ZCCHC14: variants seen among roughly 807,000 people sequenced by gnomAD.
ZCCHC14 encodes zinc finger CCHC-type containing 14.
A neutral mutation model predicts 85.0 loss-of-function variants in ZCCHC14; 16 were observed. The observed-to-expected ratio is 0.19, with a 90% confidence interval of 0.13 to 0.29. The LOEUF (loss-of-function observed/expected upper bound fraction) is 0.29. Among genes scored for constraint, ZCCHC14 ranks in the 10% least tolerant of loss-of-function variants. The pLI, the probability that ZCCHC14 is intolerant of heterozygous loss-of-function variation, is 1.00. For synonymous variants in ZCCHC14, 775 were observed against 630.7 expected (o/e 1.23, Z -3.43); for missense variants, 1,303 against 1,443.5 (o/e 0.90, Z 1.58).
intron 1 of ZCCHC14, among the ~76,000 whole-genome samples, chr16:87,461,607 G>A (rs927319487): frequency 2.0e-5 from 3 of 152,216 alleles, no homozygotes; most frequent in Admixed American, 6.5e-5. Context: ...CATCCCCTAA[G>A]TTCACTCACA....
rs899072391 is a variant in ZCCHC14, at chr16:87,491,370, C to A, written c.570+299G>T. 2.6e-5 allele frequency among the ~76,000 whole-genome samples: 4 copies of A among 151,900 alleles called. No homozygotes were observed. The highest frequency in any genetic ancestry group is 9.7e-5 in the African/African-American group (4 of 41,342). On this transcript the variant is annotated intron_variant, in intron 1 of 12. Transcript: ENST00000671377. This position sits in a 1 kb window ranked among gnomAD's most constrained non-coding sequence, Gnocchi z 5.9. ...AAGTGCAGACTTAGGGTGAGGAGTGCGGGCTTAGGATGGGGGCTTGGGATG... is the reference window on the plus strand; with the variant it reads ...AAGTGCAGACTTAGGGTGAGGAGTGAGGGCTTAGGATGGGGGCTTGGGATG...
chr16:87,430,408 G>A (rs1302115421), intron 3 of ZCCHC14, among the ~76,000 whole-genome samples: 1 of 152,154 alleles, frequency 6.6e-6, no homozygotes, highest in African/African-American at 2.4e-5. Context: ...TCACAGCGTT[G>A]TGATCCTGCT....
At position 87,435,464 on chromosome 16, in the gene ZCCHC14, G is replaced by A. The variant is rs780900829; in HGVS notation, c.695-2263C>T. Among the ~76,000 whole-genome samples the A allele has an allele frequency of 3.9e-5, 6 of 152,328 alleles. No homozygotes were observed. In the East Asian group the frequency reaches 5.8e-4, roughly 15 times the overall value. ...TCTGCATGTCCTCTGTGGCCACCCC[G>A]TGATACCATGGCTGAGGAGCTGTGC... On this transcript the variant is annotated intron_variant, in intron 2 of 12. Transcript: ENST00000671377.
At chr16:87,477,600 G>A (rs1323224291) in intron 1 of ZCCHC14, among the ~76,000 whole-genome samples, 2 of 152,146 alleles carry the variant, frequency 1.3e-5, no homozygotes, top group Admixed American at 6.5e-5. Context: ...CACTAATGTC[G>A]TCTTTGTCAA....
intron 1 of ZCCHC14, chr16:87,467,783 C>G (rs1365025907): frequency 4.1e-6 from 2 of 492,002 alleles, no homozygotes; most frequent in African/African-American, 3.9e-5. Context: ...TCTCAAGTAG[C>G]TGGGACTACA....
chr16:87,433,920 A>T (rs573440714), intron 2 of ZCCHC14, among the ~76,000 whole-genome samples: 1 of 151,810 alleles, frequency 6.6e-6, no homozygotes, highest in Non-Finnish European at 1.5e-5. Flanking sequence ...CTGGATTTAC[A>T]GGCGAAAGCC....
chr16:87,453,662 G>C (rs573043515), intron 2 of ZCCHC14, among the ~76,000 whole-genome samples: 1 of 152,198 alleles, frequency 6.6e-6, no homozygotes, highest in East Asian at 1.9e-4. Context: ...CAGAAGCCTC[G>C]ACCTTGTCCA....
rs370567696 is a variant in ZCCHC14, at chr16:87,483,697, C to T, written c.570+7972G>A. 4.6e-5 allele frequency among the ~76,000 whole-genome samples: 7 copies of T among 152,248 alleles called. No individual in the cohort carries two copies. In the East Asian group the frequency reaches 9.6e-4, roughly 21 times the overall value. ...CCAGCAAGTGCTAACTCGCTGGGCT[C>T]GTTAAAGGTTAGGGAAACAGGCCTT... On this transcript the variant is annotated intron_variant, in intron 1 of 12. Transcript: ENST00000671377.
intron 3 of ZCCHC14, among the ~76,000 whole-genome samples, chr16:87,426,067 A>C (rs562096190): frequency 7.9e-5 from 12 of 152,356 alleles, no homozygotes; most frequent in African/African-American, 2.6e-4. Context: ...GGCTATCAGA[A>C]AGTGAGCACT....
chr16:87,467,976 G>A (rs532490510), intron 1 of ZCCHC14, among the ~76,000 whole-genome samples: 1 of 152,296 alleles, frequency 6.6e-6, no homozygotes, highest in East Asian at 1.9e-4. Flanking sequence ...TTACAGACAT[G>A]AGCCACTGCG....
At chr16:87,480,900 G>A (rs1173381326) in intron 1 of ZCCHC14, among the ~76,000 whole-genome samples, 2 of 152,202 alleles carry the variant, frequency 1.3e-5, no homozygotes, top group Non-Finnish European at 2.9e-5. Flanking sequence ...GAGAGAGAAA[G>A]CACAGTGAGT....
rs1203701443 is a variant in ZCCHC14, at chr16:87,492,750, G to A, written c.-512C>T. 1.4e-5 allele frequency: 2 copies of A among 146,398 alleles called. No homozygotes were observed. The highest frequency in any genetic ancestry group is 1.5e-5 in the Non-Finnish European group (1 of 65,834). 9.1% of individuals were successfully genotyped at this position (146,398 alleles called of 1,614,324 possible). On this transcript the variant is annotated 5_prime_UTR_variant, in exon 1 of 13. Transcript: ENST00000671377. This position sits in a 1 kb window ranked among gnomAD's most constrained non-coding sequence, Gnocchi z 6.7. The stretch of plus-strand genomic sequence containing the variant: ...TCCGCCCAGGCCGGCCGTTACCCCG[G>A]GCCGCGGGCGCGGCGTCGCCGCCTG...
intron 1 of ZCCHC14, among the ~76,000 whole-genome samples, chr16:87,461,318 T>C (rs551470581): frequency 2.6e-5 from 4 of 152,376 alleles, no homozygotes; most frequent in African/African-American, 9.6e-5. Context: ...CCATCAGTAT[T>C]TTAAAATTTC....
intron 2 of ZCCHC14, among the ~76,000 whole-genome samples, chr16:87,445,070 CTT>C (rs56137815): frequency 1.6e-3 from 230 of 140,424 alleles, no homozygotes; most frequent in Non-Finnish European, 2.4e-3. Flanking sequence ...TCAAAATAAA[CTT>C]TTTTTTTTTT....
At chr16:87,461,808 C>T (rs1446204379) in intron 1 of ZCCHC14, among the ~76,000 whole-genome samples, 1 of 152,224 alleles carries the variant, frequency 6.6e-6, no homozygotes, top group Admixed American at 6.5e-5. Flanking sequence ...AAGTCCATAG[C>T]GAGATCCTCT....
At chr16:87,468,909 G>A (rs984052427) in intron 1 of ZCCHC14, among the ~76,000 whole-genome samples, 23 of 152,174 alleles carry the variant, frequency 1.5e-4, no homozygotes, top group South Asian at 4.1e-4. Context: ...TGAGTACTGC[G>A]TCTGCATGTG....
At chr16:87,434,469 TCTGGAGG>T (rs1042511071) in intron 2 of ZCCHC14, among the ~76,000 whole-genome samples, 2 of 152,210 alleles carry the variant, frequency 1.3e-5, no homozygotes, top group African/African-American at 2.4e-5. Flanking sequence ...CTTCGCTGGG[TCTGGAGG>T]CCACCTGGCC....
rs968912210 is a variant in ZCCHC14, at chr16:87,410,212, C to A, written c.*68G>T. On this transcript the variant is annotated 3_prime_UTR_variant, in exon 13 of 13. Transcript: ENST00000671377. The stretch of plus-strand genomic sequence containing the variant: ...ATTAAGCTCAACAGCAACTAGACTT[C>A]TCAGTTTTGTATTTAATTTTCCTTA... The A allele has an allele frequency of 1.5e-6, 1 of 664,744 alleles. No homozygotes were observed. Among genetic ancestry groups the A allele is most frequent in the Non-Finnish European group, 2.8e-6 (1 of 363,420 alleles). The allele number at this position is 664,744 out of a possible 1,614,324, so 41.2% of individuals were successfully genotyped here. A position where few individuals can be genotyped will look rare whatever the true frequency, so the allele number is the denominator to read the frequency against.
At chr16:87,464,346 T>C (rs759902769) in intron 1 of ZCCHC14, among the ~76,000 whole-genome samples, 3 of 152,184 alleles carry the variant, frequency 2.0e-5, no homozygotes, top group Non-Finnish European at 4.4e-5. Flanking sequence ...TTCTTTTGTT[T>C]TGTGCCTGAA....
Sources: allele counts gnomAD v4.1 joint callset (sites outside exome capture counted in the v4.1 genomes callset), GRCh38; gene constraint gnomAD v4.1.1; non-coding constraint Gnocchi (gnomAD v3.1); transcripts MANE v1.5; gene names NCBI Gene and HGNC (gene_info 2026-07-23, HGNC 2026-07-21).